The following FOXO3 variants were observed in gnomAD, a reference collection of about 807,000 sequenced individuals.
FOXO3 encodes the protein forkhead box protein O3.
Under a neutral mutation model 41.9 loss-of-function variants are expected in FOXO3, and 4 were observed. That is an observed-to-expected ratio of 0.10 (90% CI 0.05 to 0.22). The LOEUF (loss-of-function observed/expected upper bound fraction) is 0.22. Among genes scored for constraint, FOXO3 ranks in the 10% least tolerant of loss-of-function variants. The pLI, the probability that FOXO3 is intolerant of heterozygous loss-of-function variation, is 1.00. For synonymous variants in FOXO3, 318 were observed against 389.3 expected, an observed-to-expected ratio of 0.82 and a Z score of 2.16; for missense variants, 534 against 906.8, an observed-to-expected ratio of 0.59 and a Z score of 5.28.
At chr6:108,676,663 T>C (rs1770605784) in intron 2 of FOXO3, among the ~76,000 whole-genome samples, 2 of 152,338 alleles carry the variant, frequency 1.3e-5, no homozygotes, top group South Asian at 4.1e-4. Context: ...GACATGAGCT[T>C]TCTTAAAACC....
At chr6:108,638,184 G>A (rs1325917818) in intron 1 of FOXO3, among the ~76,000 whole-genome samples, 2 of 152,194 alleles carry the variant, frequency 1.3e-5, no homozygotes, top group Non-Finnish European at 2.9e-5. Flanking sequence ...TAAAGAAGAA[G>A]TGGGTGTGGA....
At chr6:108,677,752 A>C (rs570843235) in intron 2 of FOXO3, among the ~76,000 whole-genome samples, 2 of 152,266 alleles carry the variant, frequency 1.3e-5, no homozygotes, top group Admixed American at 1.3e-4. Flanking sequence ...AACGCTATCT[A>C]ATCATTCATA....
chr6:108,615,636 C>T (rs911615854), intron 1 of FOXO3, among the ~76,000 whole-genome samples: 1 of 151,358 alleles, frequency 6.6e-6, no homozygotes, highest in African/African-American at 2.4e-5. Context: ...ATTTAAAATC[C>T]AGCCATTATT....
At chr6:108,582,904 T>TC (rs1486954200) in intron 1 of FOXO3, among the ~76,000 whole-genome samples, 1 of 152,174 alleles carries the variant, frequency 6.6e-6, no homozygotes, top group Non-Finnish European at 1.5e-5. Flanking sequence ...CTGGACTGCT[T>TC]CCTGAGGGAT....
At chr6:108,669,734 T>G (rs1337806777) in intron 2 of FOXO3, among the ~76,000 whole-genome samples, 5 of 152,148 alleles carry the variant, frequency 3.3e-5, no homozygotes, top group Non-Finnish European at 7.4e-5. Flanking sequence ...CATACGCTGT[T>G]TTTTCCTGGA....
chr6:108,580,645 G>A (rs1776391584), intron 1 of FOXO3, among the ~76,000 whole-genome samples: 1 of 152,038 alleles, frequency 6.6e-6, no homozygotes, highest in African/African-American at 2.4e-5. Context: ...CAAGCTTCAG[G>A]GATCTTGATT....
rs984450005 is a variant in FOXO3, at chr6:108,654,735, G to A, written c.622-8720G>A. Among the ~76,000 whole-genome samples the A allele has an allele frequency of 6.1e-5, 9 of 148,718 alleles. No homozygotes were observed. In the East Asian group the frequency reaches 7.8e-4, roughly 13 times the overall value. On this transcript the variant is annotated intron_variant, in intron 1 of 2. Coordinates refer to ENST00000406360, the MANE Select transcript of FOXO3 (RefSeq NM_001455.4). ...CCAACAATGTTTACTTTAGAGCATCGTCTTTTTTTTTTTTTTTAAGTCCCT... is the reference window on the plus strand; with the variant it reads ...CCAACAATGTTTACTTTAGAGCATCATCTTTTTTTTTTTTTTTAAGTCCCT...
chr6:108,577,355 G>C (rs761499569), intron 1 of FOXO3, among the ~76,000 whole-genome samples: 3 of 152,192 alleles, frequency 2.0e-5, no homozygotes, highest in African/African-American at 4.8e-5. Flanking sequence ...CTCTAGATCA[G>C]CTTTACAGAA....
intron 1 of FOXO3, among the ~76,000 whole-genome samples, chr6:108,562,106 G>A (rs1299140257): frequency 6.6e-6 from 1 of 152,128 alleles, no homozygotes; most frequent in Non-Finnish European, 1.5e-5. Flanking sequence ...GAACGGACAG[G>A]AGTACATTTG....
At chr6:108,588,458 T>G (rs1188606969) in intron 1 of FOXO3, among the ~76,000 whole-genome samples, 2 of 152,218 alleles carry the variant, frequency 1.3e-5, no homozygotes, top group East Asian at 1.9e-4. Flanking sequence ...AATGTTATAC[T>G]ATTTCAGAAA....
In FOXO3 at chr6:108,663,802, C is replaced by A. The variant is rs1248519413; in HGVS notation, c.969C>A (p.Arg323=). The change falls in exon 2 of 3, where the codon CGC becomes CGA. Residue 323 remains arginine (R), a synonymous_variant. Transcript: ENST00000406360. The part of the protein sequence containing the change: ...TNSNASTVSG[R]LSPIMASTEL... ...CTAACGCCAGCACAGTCAGTGGCCGCCTGTCGCCCATCATGGCAAGCACAG... is the reference window on the plus strand; with the variant it reads ...CTAACGCCAGCACAGTCAGTGGCCGACTGTCGCCCATCATGGCAAGCACAG... The A allele has an allele frequency of 6.2e-7, 1 of 1,613,862 alleles. No homozygotes were observed.
intron 1 of FOXO3, among the ~76,000 whole-genome samples, chr6:108,589,252 A>AT (rs1776667446): frequency 6.6e-6 from 1 of 152,160 alleles, no homozygotes; most frequent in South Asian, 2.1e-4. Flanking sequence ...GGCCTTTATA[A>AT]TTTTTCCTGG....
Position 108,682,541 on chromosome 6 carries a change from TGTCTAGG to T in FOXO3, c.*2753_*2759del, listed in dbSNP as rs1374081058. On this transcript the variant is annotated 3_prime_UTR_variant, in exon 3 of 3. Coordinates refer to ENST00000406360, the MANE Select transcript of FOXO3 (RefSeq NM_001455.4). ...CAGCCGAGAATCTGGTAGTGAAGCC[TGTCTAGG>T]GTCCCGGCACCCTCACCCTCAGCCA... 1 of 152,344 alleles carries T rather than the reference TGTCTAGG, an allele frequency of 6.6e-6. No homozygotes were observed. The highest frequency in any genetic ancestry group is 1.5e-5 in the Non-Finnish European group (1 of 68,152). 9.4% of individuals were successfully genotyped at this position (152,344 alleles called of 1,614,324 possible). A position where few individuals can be genotyped will look rare whatever the true frequency, so the allele number is the denominator to read the frequency against.
chr6:108,662,281 AG>A (rs1256791775), intron 1 of FOXO3, among the ~76,000 whole-genome samples: 10 of 152,232 alleles, frequency 6.6e-5, no homozygotes, highest in Admixed American at 5.9e-4. Context: ...TGTCATATCA[AG>A]GGTACATATT....
chr6:108,667,074 G>A (rs1215916947), intron 2 of FOXO3, among the ~76,000 whole-genome samples: 2 of 152,222 alleles, frequency 1.3e-5, no homozygotes, highest in Admixed American at 1.3e-4. Flanking sequence ...AAAGGGGAAT[G>A]TTAAGAGTGT....
At chr6:108,641,110 A>C (rs1360103896) in intron 1 of FOXO3, among the ~76,000 whole-genome samples, 1 of 152,054 alleles carries the variant, frequency 6.6e-6, no homozygotes, top group Non-Finnish European at 1.5e-5. Context: ...GGGTTTCACC[A>C]TGTTGGCCAG....
chr6:108,616,604 T>C (rs573030199), intron 1 of FOXO3, among the ~76,000 whole-genome samples: 37 of 152,330 alleles, frequency 2.4e-4, no homozygotes, highest in Non-Finnish European at 4.4e-5. Context: ...GCCATATTTA[T>C]AACTTTTTAA....
intron 1 of FOXO3, among the ~76,000 whole-genome samples, chr6:108,569,763 G>A (rs1435174034): frequency 6.6e-6 from 1 of 152,120 alleles, no homozygotes; most frequent in Non-Finnish European, 1.5e-5. Context: ...AGTAAGGAAA[G>A]CATGTGGCAC....
chr6:108,649,953 A>G (rs527731102), intron 1 of FOXO3, among the ~76,000 whole-genome samples: 3 of 152,238 alleles, frequency 2.0e-5, no homozygotes, highest in East Asian at 3.9e-4. Flanking sequence ...AATGGCCCCC[A>G]TATATTTAAT....
Sources: gnomAD v4.1 joint callset for allele counts (sites outside exome capture counted in the v4.1 genomes callset) on GRCh38, gnomAD v4.1.1 for gene constraint, MANE v1.5 for transcripts, NCBI Gene and HGNC (gene_info 2026-07-23, HGNC 2026-07-21) for gene names.